Variants in KLF12 observed in about 807,000 individuals in gnomAD.
KLF12 encodes the protein Krueppel-like factor 12.
A neutral mutation model predicts 37.8 loss-of-function variants in KLF12; 9 were observed. The observed-to-expected ratio is 0.24, with a 90% CI of 0.14 to 0.42. KLF12 has a LOEUF of 0.42. Ranked by LOEUF, KLF12 falls within the 10% of genes least tolerant of loss-of-function variation. The pLI is 1.00. For missense variants in KLF12, 411 were observed against 516.0 expected (o/e 0.80, Z 1.97); for synonymous variants, 208 against 202.1 (o/e 1.03, Z -0.25).
At chr13:74,203,461 T>C in the KLF12 span, among the ~76,000 whole-genome samples, 3 of 152,120 alleles carry the variant, frequency 2.0e-5, no homozygotes, top group Non-Finnish European at 4.4e-5. Flanking sequence ...CCTTCATAAA[T>C]TTTTTAAATA....
chr13:73,773,083 A>G (rs1880371886), intron 5 of KLF12, among the ~76,000 whole-genome samples: 1 of 152,180 alleles, frequency 6.6e-6, no homozygotes, highest in Non-Finnish European at 1.5e-5. Flanking sequence ...AAAGAATACA[A>G]GTTTTTAACT....
At chr13:74,010,670 A>C (rs887907956) in intron 1 of KLF12, among the ~76,000 whole-genome samples, 2 of 152,188 alleles carry the variant, frequency 1.3e-5, no homozygotes, top group Non-Finnish European at 2.9e-5. Context: ...ACACAGACCT[A>C]ATCAATACTA....
At chr13:74,300,847 G>A in the KLF12 span, among the ~76,000 whole-genome samples, 2 of 152,176 alleles carry the variant, frequency 1.3e-5, no homozygotes, top group Admixed American at 1.3e-4. Flanking sequence ...GGGTTCCTGG[G>A]ATGAGATTGA....
At chr13:74,199,066 A>C in the KLF12 span, among the ~76,000 whole-genome samples, 2 of 152,208 alleles carry the variant, frequency 1.3e-5, no homozygotes, top group African/African-American at 2.4e-5. Flanking sequence ...CCATGAGTCC[A>C]CTAGACCCAG....
At chr13:73,976,147 T>C (rs184380469) in intron 2 of KLF12, among the ~76,000 whole-genome samples, 4,329 of 147,300 alleles carry the variant, frequency 0.029, 204 homozygotes, top group African/African-American at 0.1. Context: ...TGTTTTTGTT[T>C]TGGGGTTTTT....
At chr13:73,774,301 CAT>C (rs1491466329) in intron 5 of KLF12, among the ~76,000 whole-genome samples, 8 of 134,560 alleles carry the variant, frequency 5.9e-5, no homozygotes, top group South Asian at 2.4e-4. Context: ...CACACACACA[CAT>C]CTATATATAT....
chr13:73,986,174 A>T (rs985326588), intron 2 of KLF12, among the ~76,000 whole-genome samples: 21 of 152,356 alleles, frequency 1.4e-4, no homozygotes, highest in African/African-American at 4.8e-4. Context: ...ATGAATTCTA[A>T]AAGTAGTTCA....
upstream of KLF12, among the ~76,000 whole-genome samples, chr13:74,134,921 T>G (rs1878486164): frequency 1.3e-5 from 2 of 151,664 alleles, no homozygotes; most frequent in Non-Finnish European, 2.9e-5. Flanking sequence ...GCCAGCGAAC[T>G]TGGAAAGGTG....
chr13:73,715,227 G>T, intron 7 of KLF12, 141 bp downstream of exon 7: 1 of 602,840 alleles, frequency 1.7e-6, no homozygotes. Context: ...TCAAGAGAGA[G>T]AGAATACATT....
chr13:74,042,510 T>C (rs904337027), intron 1 of KLF12, among the ~76,000 whole-genome samples: 4 of 152,158 alleles, frequency 2.6e-5, no homozygotes, highest in Non-Finnish European at 5.9e-5. Context: ...AGATTGCTTT[T>C]TAGCTTCTTT....
At chr13:74,000,460 T>C (rs1442717665) in intron 1 of KLF12, among the ~76,000 whole-genome samples, 1 of 152,194 alleles carries the variant, frequency 6.6e-6, no homozygotes, top group Non-Finnish European at 1.5e-5. Context: ...CCCCTTGGAA[T>C]TCTGTTCGTT....
intron 5 of KLF12, among the ~76,000 whole-genome samples, chr13:73,767,443 G>C (rs1006585514): frequency 2.0e-5 from 3 of 152,154 alleles, no homozygotes; most frequent in African/African-American, 7.2e-5. Context: ...GTAACTAAGG[G>C]GTTCAGGCCT....
chr13:73,795,973 TG>T (rs1566373461), intron 5 of KLF12, among the ~76,000 whole-genome samples: 1 of 152,172 alleles, frequency 6.6e-6, no homozygotes, highest in African/African-American at 2.4e-5. Context: ...TGGCATATAC[TG>T]GGCTTTTAAT....
the KLF12 span, among the ~76,000 whole-genome samples, chr13:74,283,046 T>C: frequency 6.6e-6 from 1 of 152,094 alleles, no homozygotes; most frequent in East Asian, 1.9e-4. Context: ...TTAAAAAGTG[T>C]CCAAAAAAGA....
chr13:73,932,978 T>C (rs934502686), intron 3 of KLF12, among the ~76,000 whole-genome samples: 3 of 152,164 alleles, frequency 2.0e-5, no homozygotes, highest in African/African-American at 7.2e-5. Flanking sequence ...CAAAGACAAA[T>C]ACCCTGCAAT....
At chr13:73,920,851 G>T (rs1889081294) in intron 3 of KLF12, among the ~76,000 whole-genome samples, 1 of 152,132 alleles carries the variant, frequency 6.6e-6, no homozygotes, top group Admixed American at 6.5e-5. Flanking sequence ...GAACCAAGAG[G>T]TCTTTCTGCC....
the KLF12 span, among the ~76,000 whole-genome samples, chr13:74,292,671 C>T: frequency 6.6e-6 from 1 of 152,044 alleles, no homozygotes; most frequent in African/African-American, 2.4e-5. Context: ...GAATGCTTCC[C>T]CTCCCAAGTG....
chr13:74,227,901 G>A, the KLF12 span, among the ~76,000 whole-genome samples: 1 of 152,108 alleles, frequency 6.6e-6, no homozygotes, highest in East Asian at 1.9e-4. Flanking sequence ...TTTAAGAAAT[G>A]TTTTCAATTT....
chr13:73,977,159 A>G (rs1183880629), intron 2 of KLF12, among the ~76,000 whole-genome samples: 1 of 151,214 alleles, frequency 6.6e-6, no homozygotes, highest in East Asian at 1.9e-4. Flanking sequence ...GAAGCACCTC[A>G]GCCTCCTGAA....
Sources: allele counts gnomAD v4.1 joint callset (sites outside exome capture counted in the v4.1 genomes callset), GRCh38; gene constraint gnomAD v4.1.1; transcripts MANE v1.5; gene names NCBI Gene and HGNC (gene_info 2026-07-23, HGNC 2026-07-21).